Variants in COL9A1 observed in about 807,000 individuals in gnomAD.
COL9A1 encodes collagen alpha-1(IX) chain.
A neutral mutation model predicts 142.6 loss-of-function variants in COL9A1; 104 were observed. The observed-to-expected ratio is 0.73, with a 90% CI of 0.62 to 0.86. COL9A1 has a LOEUF of 0.86. COL9A1 is among the 40% of genes least tolerant of loss of function. The pLI, the probability that COL9A1 is intolerant of heterozygous loss-of-function variation, is 0.00. For missense variants in COL9A1, 1,210 were observed against 1,176.6 expected (o/e 1.03, Z -0.42); for synonymous variants, 466 against 396.0 (o/e 1.18, Z -2.10).
intron 15 of COL9A1, 87 bp from the exon 16 acceptor site, chr6:70,269,752 T>G (rs1051294356): frequency 1.9e-4 from 153 of 799,762 alleles, no homozygotes; most frequent in Non-Finnish European, 3.1e-4. Flanking sequence ...CAGGCAAAAG[T>G]ATAAAATATA....
chr6:70,302,957 T>TCC lies in COL9A1; in HGVS notation c.-35_-34dup. The TCC allele has an allele frequency of 6.2e-7, 1 of 1,612,492 alleles. No homozygotes were observed. The highest frequency in any genetic ancestry group is 8.5e-7 in the Non-Finnish European group (1 of 1,178,508). ...GTTGATTTTCTTTGTTTGCCAACAG[T>TCC]CCCTATGAAGAAGGGGTTGGAAGGG... is the stretch of plus-strand genomic sequence containing the variant. On this transcript the variant is annotated 5_prime_UTR_variant, in exon 1 of 38. Transcript: ENST00000357250.
At chr6:70,282,515 G>A (rs1773227248) in intron 7 of COL9A1, among the ~76,000 whole-genome samples, 1 of 151,008 alleles carries the variant, frequency 6.6e-6, no homozygotes, top group Non-Finnish European at 1.5e-5. Context: ...GAGGGAGCGT[G>A]CCTGGATTCC....
chr6:70,302,628 C>A (rs545885704), intron 1 of COL9A1, among the ~76,000 whole-genome samples: 3 of 151,954 alleles, frequency 2.0e-5, no homozygotes, highest in African/African-American at 7.2e-5. Context: ...TGTTTTGGTA[C>A]CTATTTCTTT....
rs534725462 is a variant in COL9A1 at position 70,302,908 on chromosome 6, T to C, written c.14+3A>G. 39 of 1,614,074 alleles carry C rather than the reference T, an allele frequency of 2.4e-5. No homozygotes were observed. In the East Asian group the frequency reaches 8.0e-4, roughly 33 times the overall value. ...ACCACTCTTTCCAGGGTTATTGTCT[T>C]ACCAGCAGGTCTTCATTTTCCCAGT... On this transcript the variant is annotated splice_donor_region_variant and intron_variant, in intron 1 of 37. Coordinates refer to ENST00000357250, the MANE Select transcript of COL9A1 (RefSeq NM_001851.6).
intron 37 of COL9A1, among the ~76,000 whole-genome samples, chr6:70,224,371 G>A (rs913785674): frequency 6.6e-6 from 1 of 152,162 alleles, no homozygotes; most frequent in Non-Finnish European, 1.5e-5. Flanking sequence ...CAGCACACAT[G>A]GAGCTGATCT....
At chr6:70,266,333 C>A (rs1772011881) in intron 18 of COL9A1, among the ~76,000 whole-genome samples, 1 of 152,140 alleles carries the variant, frequency 6.6e-6, no homozygotes, top group African/African-American at 2.4e-5. Context: ...TTGCTAGTCT[C>A]AGCAACACTT....
intron 2 of COL9A1, 145 bp downstream of exon 2, chr6:70,301,856 T>G: frequency 1.4e-6 from 1 of 705,276 alleles, no homozygotes; most frequent in Non-Finnish European, 2.5e-6. Context: ...CAGAACCTAA[T>G]GTATCCCTGT....
chr6:70,230,647 T>A lies in COL9A1; in HGVS notation c.2503+1936A>T, dbSNP rs1421698422. Among the ~76,000 whole-genome samples the A allele has an allele frequency of 4.6e-5, 7 of 152,198 alleles. 1 individual carries two copies. Among genetic ancestry groups the A allele is most frequent in the Admixed American group, 1.3e-4 (2 of 15,280 alleles). The stretch of plus-strand genomic sequence containing the variant: ...CTGCTAGAGCCAACCCAACCCAGCC[T>A]AGCCACAATTCACTGTTGCTAAAGC... On this transcript the variant is annotated intron_variant, in intron 36 of 37. Coordinates refer to ENST00000357250, the MANE Select transcript of COL9A1 (RefSeq NM_001851.6).
At position 70,294,491 on chromosome 6, in the gene COL9A1, G is replaced by C. The variant is rs766802796; in HGVS notation, c.372C>G (p.Leu124=). The C allele has an allele frequency of 3.7e-6, 6 of 1,613,968 alleles. No homozygotes were observed. Among genetic ancestry groups the C allele is most frequent in the South Asian group, 1.1e-5 (1 of 91,082 alleles). ...LTTFRMTGST[L]KKNWNIWQIQ... Reference sequence around the variant, plus strand: ...TCTGCCAAATGTTCCAGTTCTTTTTGAGAGTGCTTCCAGTCATTCGAAACG... The same window carrying C: ...TCTGCCAAATGTTCCAGTTCTTTTTCAGAGTGCTTCCAGTCATTCGAAACG... The change falls in exon 5 of 38, where the codon CTC becomes CTG. Residue 124 remains leucine (L), a synonymous_variant. Coordinates refer to ENST00000357250, the MANE Select transcript of COL9A1 (RefSeq NM_001851.6).
chr6:70,299,630 G>C (rs1773981124), intron 4 of COL9A1, among the ~76,000 whole-genome samples: 1 of 152,102 alleles, frequency 6.6e-6, no homozygotes, highest in African/African-American at 2.4e-5. Flanking sequence ...GTGGACGTGT[G>C]GCTCCATTTC....
rs73475888 is a variant in COL9A1 at position 70,296,693 on chromosome 6, C to G, written c.300-2130G>C. Among the ~76,000 whole-genome samples, 635 of 152,110 alleles carry G rather than the reference C, an allele frequency of 4.2e-3. 3 individuals are homozygous for G. Among genetic ancestry groups the G allele is most frequent in the African/African-American group, 0.014 (599 of 41,514 alleles). ...TTTGTACATCTTACCTAACTTACCT[C>G]AATAAATTTGGAGCTGGGAGATACA... On this transcript the variant is annotated intron_variant, in intron 4 of 37. Transcript: ENST00000357250.
chr6:70,264,920 C>T (rs1771917784), intron 18 of COL9A1, among the ~76,000 whole-genome samples: 1 of 152,060 alleles, frequency 6.6e-6, no homozygotes, highest in East Asian at 1.9e-4. Flanking sequence ...TGAATCCAAA[C>T]CTCAGGCCTC....
intron 28 of COL9A1, among the ~76,000 whole-genome samples, chr6:70,243,496 A>C (rs1770398664): frequency 6.6e-6 from 1 of 152,230 alleles, no homozygotes; most frequent in African/African-American, 2.4e-5. Flanking sequence ...ACTTCATACA[A>C]TTTTATGCAA....
At chr6:70,253,720 C>T (rs1333136489) in intron 25 of COL9A1, among the ~76,000 whole-genome samples, 1 of 152,140 alleles carries the variant, frequency 6.6e-6, no homozygotes, top group Non-Finnish European at 1.5e-5. Context: ...AAATTAGAAT[C>T]CAGTACCACT....
At chr6:70,270,256 AT>A (rs558213061) in intron 15 of COL9A1, 57 bp downstream of exon 15, 5 of 1,549,054 alleles carry the variant, frequency 3.2e-6, no homozygotes, top group African/African-American at 2.7e-5. Context: ...GGATTCTTAG[AT>A]TTTTTTCAAC....
At position 70,216,538 on chromosome 6, in the gene COL9A1, A is replaced by G; in HGVS notation, c.*359T>C. 1 of 246,754 alleles carries G rather than the reference A, an allele frequency of 4.1e-6. No individual in the cohort carries two copies. Among genetic ancestry groups the G allele is most frequent in the Non-Finnish European group, 8.0e-6 (1 of 125,326 alleles). The allele number at this position is 246,754 out of a possible 1,614,324, so 15.3% of individuals were successfully genotyped here. ...CTACTGCAACTGAGGTAAACCAAAC[A>G]GTTGTTTTTGTTTATTGGCACAGTG... On this transcript the variant is annotated 3_prime_UTR_variant, in exon 38 of 38. Coordinates refer to ENST00000357250, the MANE Select transcript of COL9A1 (RefSeq NM_001851.6).
rs755415849 is a variant in COL9A1 at position 70,241,451 on chromosome 6, C to A, written c.2002G>T (p.Val668Leu). 6.2e-7 allele frequency: 1 copy of A among 1,609,522 alleles called. No homozygotes were observed. Among genetic ancestry groups the A allele is most frequent in the Non-Finnish European group, 8.5e-7 (1 of 1,175,892 alleles). ...GLPGMKGDRG[V>L]VGEPGPKGEQ... is the part of the protein sequence containing the mutation. ...CCCTTTGGACCCGGTTCACCGACTA[C>A]ACCCTGTAATAAATAAAATATAATA... The change falls in exon 31 of 38, where the codon GTA (valine) becomes TTA (leucine). Residue 668 changes from valine to leucine, a missense_variant. Coordinates refer to ENST00000357250, the MANE Select transcript of COL9A1 (RefSeq NM_001851.6).
intron 28 of COL9A1, among the ~76,000 whole-genome samples, chr6:70,247,728 T>C (rs1319546890): frequency 6.6e-6 from 1 of 152,222 alleles, no homozygotes; most frequent in Admixed American, 6.5e-5. Flanking sequence ...TTTTAAAATC[T>C]ATTCAATTTT....
chr6:70,266,461 A>G (rs540376094), intron 18 of COL9A1, among the ~76,000 whole-genome samples: 9 of 152,354 alleles, frequency 5.9e-5, no homozygotes, highest in African/African-American at 2.2e-4. Flanking sequence ...ATTTGAAAAG[A>G]AAAGAAAAGG....
Sources: gnomAD v4.1 joint callset for allele counts (sites outside exome capture counted in the v4.1 genomes callset) on GRCh38, gnomAD v4.1.1 for gene constraint, MANE v1.5 for transcripts, NCBI Gene and HGNC (gene_info 2026-07-23, HGNC 2026-07-21) for gene names.